The following CPED1 variants were observed in gnomAD, a reference collection of about 807,000 sequenced individuals.
CPED1 encodes the protein cadherin like and PC-esterase domain containing 1.
In CPED1, 114 loss-of-function variants were observed where a neutral mutation model predicts 128.2. The ratio of observed to expected loss-of-function variants is 0.89; its 90% CI spans 0.76 to 1.04. The LOEUF (loss-of-function observed/expected upper bound fraction) is 1.04. Ranked by LOEUF, CPED1 falls within the 50% of genes least tolerant of loss-of-function variation. The probability of loss-of-function intolerance (pLI) is 0.00; values close to 1 mark genes in which losing one functional copy is unlikely to be tolerated. For missense variants in CPED1, 1,211 were observed against 1,207.1 expected, an observed-to-expected ratio of 1.00 and a Z score of -0.05; for synonymous variants, 462 against 426.7, an observed-to-expected ratio of 1.08 and a Z score of -1.02.
intron 7 of CPED1, among the ~76,000 whole-genome samples, chr7:121,122,768 A>T (rs967143447): frequency 1.3e-5 from 2 of 152,214 alleles, no homozygotes; most frequent in Non-Finnish European, 2.9e-5. Flanking sequence ...TCACTGCTAC[A>T]TTAAGAAATT....
At chr7:121,030,279 C>T (rs1366194889) in intron 3 of CPED1, among the ~76,000 whole-genome samples, 2 of 152,150 alleles carry the variant, frequency 1.3e-5, no homozygotes, top group East Asian at 3.8e-4. Context: ...ATTTTTAAAT[C>T]AATAGTTTTA....
chr7:121,292,689 G>A lies in CPED1; in HGVS notation c.2869-2751G>A, dbSNP rs1015912138. The stretch of plus-strand genomic sequence containing the variant: ...TTGGTCTTTGATGTTGGTGACCTTC[G>A]GATGGGGTTTTTAGGTGGGTGTCCT... On this transcript the variant is annotated intron_variant, in intron 22 of 22. Transcript: ENST00000310396. Among the ~76,000 whole-genome samples the A allele has an allele frequency of 3.9e-5, 6 of 152,030 alleles. No individual in the cohort carries two copies. In the South Asian group the frequency reaches 6.2e-4, roughly 16 times the overall value.
At chr7:121,148,301 G>A (rs1796072937) in intron 16 of CPED1, among the ~76,000 whole-genome samples, 1 of 152,190 alleles carries the variant, frequency 6.6e-6, no homozygotes, top group Non-Finnish European at 1.5e-5. Flanking sequence ...ACAAATAGCA[G>A]CAAAGCAGCA....
intron 3 of CPED1, among the ~76,000 whole-genome samples, chr7:121,024,359 G>A (rs1792515956): frequency 6.6e-6 from 1 of 152,130 alleles, no homozygotes; most frequent in African/African-American, 2.4e-5. Flanking sequence ...AGAACAAAAA[G>A]CCAGTGTCTC....
chr7:121,210,000 A>T (rs574138297), intron 16 of CPED1, among the ~76,000 whole-genome samples: 4 of 152,202 alleles, frequency 2.6e-5, no homozygotes, highest in African/African-American at 9.6e-5. Flanking sequence ...TGGGCAAAAG[A>T]TCTGAATAGA....
At chr7:121,231,323 G>A (rs891504285) in intron 16 of CPED1, among the ~76,000 whole-genome samples, 1 of 152,090 alleles carries the variant, frequency 6.6e-6, no homozygotes, top group African/African-American at 2.4e-5. Context: ...GGGCATGGTT[G>A]TCTTATTGTC....
chr7:121,016,478 G>C (rs149210135), intron 3 of CPED1, among the ~76,000 whole-genome samples: 1 of 152,112 alleles, frequency 6.6e-6, no homozygotes, highest in African/African-American at 2.4e-5. Flanking sequence ...TGTATTCATG[G>C]TCACATTTAA....
intron 5 of CPED1, among the ~76,000 whole-genome samples, chr7:121,087,426 A>G (rs1215105940): frequency 1.3e-5 from 2 of 152,162 alleles, no homozygotes; most frequent in African/African-American, 4.8e-5. Flanking sequence ...CATAATAAAG[A>G]CTTGGTTCCC....
chr7:121,091,581 AC>A (rs1794572722), intron 5 of CPED1, among the ~76,000 whole-genome samples: 1 of 152,120 alleles, frequency 6.6e-6, no homozygotes, highest in African/African-American at 2.4e-5. Flanking sequence ...TCTATATTAA[AC>A]TACTATTTAA....
At chr7:121,292,906 G>A (rs1044109914) in intron 22 of CPED1, among the ~76,000 whole-genome samples, 1 of 152,100 alleles carries the variant, frequency 6.6e-6, no homozygotes, top group Non-Finnish European at 1.5e-5. Flanking sequence ...CATCCCAGAG[G>A]GGCACCTGCC....
At chr7:121,033,146 A>G (rs961175496) in intron 3 of CPED1, among the ~76,000 whole-genome samples, 7 of 152,176 alleles carry the variant, frequency 4.6e-5, no homozygotes, top group African/African-American at 7.2e-5. Context: ...ACTGAGGCCA[A>G]CTACTGTGAG....
intron 16 of CPED1, among the ~76,000 whole-genome samples, chr7:121,158,368 C>A (rs530511163): frequency 6.6e-6 from 1 of 152,288 alleles, no homozygotes; most frequent in African/African-American, 2.4e-5. Flanking sequence ...ATCACGATAA[C>A]CCCAGTCTGG....
At chr7:121,056,197 G>T (rs1205342477) in intron 4 of CPED1, among the ~76,000 whole-genome samples, 2 of 152,012 alleles carry the variant, frequency 1.3e-5, no homozygotes. Flanking sequence ...GAAATGTTAG[G>T]AATGGTATTT....
intron 4 of CPED1, among the ~76,000 whole-genome samples, chr7:121,056,848 A>G (rs1793511046): frequency 6.6e-6 from 1 of 152,240 alleles, no homozygotes; most frequent in African/African-American, 2.4e-5. Flanking sequence ...CATGCATAAT[A>G]TGTGCAATAA....
At chr7:121,102,741 TAGG>T (rs1039641696) in intron 7 of CPED1, among the ~76,000 whole-genome samples, 3 of 152,034 alleles carry the variant, frequency 2.0e-5, no homozygotes, top group African/African-American at 4.8e-5. Context: ...AGGGGAGAGT[TAGG>T]AGGAAAACGA....
At chr7:121,168,302 A>G (rs1295877389) in intron 16 of CPED1, among the ~76,000 whole-genome samples, 6 of 152,210 alleles carry the variant, frequency 3.9e-5, no homozygotes, top group Non-Finnish European at 8.8e-5. Context: ...AAAACTTACA[A>G]TTCTTAAAAA....
At chr7:121,009,480 G>A (rs1202603841) in intron 2 of CPED1, among the ~76,000 whole-genome samples, 4 of 151,844 alleles carry the variant, frequency 2.6e-5, no homozygotes, top group African/African-American at 4.8e-5. Context: ...GGTAGCATGC[G>A]CCTGTAGTCC....
chr7:121,250,204 C>T (rs1376341406), intron 18 of CPED1, among the ~76,000 whole-genome samples: 1 of 152,152 alleles, frequency 6.6e-6, no homozygotes, highest in African/African-American at 2.4e-5. Context: ...AACTGAACAA[C>T]CTGCTCCTGA....
chr7:121,052,367 C>T (rs376286646), intron 4 of CPED1, among the ~76,000 whole-genome samples: 5 of 152,190 alleles, frequency 3.3e-5, no homozygotes, highest in African/African-American at 7.2e-5. Context: ...CGAAGTCACA[C>T]GAAAACTCTT....
Sources: allele counts gnomAD v4.1 joint callset (sites outside exome capture counted in the v4.1 genomes callset), GRCh38; gene constraint gnomAD v4.1.1; transcripts MANE v1.5; gene names NCBI Gene and HGNC (gene_info 2026-07-23, HGNC 2026-07-21).